Variants in PKN2 observed in about 807,000 individuals in gnomAD.
The protein encoded by PKN2 is protein kinase N2.
PKN2 carries 38 observed loss-of-function variants against 119.1 expected under a neutral mutation model. The ratio of observed to expected loss-of-function variants is 0.32; its 90% CI spans 0.25 to 0.42. The LOEUF (loss-of-function observed/expected upper bound fraction) is 0.42, where lower values mean the gene tolerates loss of function less well. Among genes scored for constraint, PKN2 ranks in the 10% least tolerant of loss-of-function variants. The pLI is 1.00. For synonymous variants in PKN2, 390 were observed against 384.9 expected, an observed-to-expected ratio of 1.01 and a Z score of -0.15; for missense variants, 850 against 1,165.1, an observed-to-expected ratio of 0.73 and a Z score of 3.94.
intron 2 of PKN2, among the ~76,000 whole-genome samples, chr1:88,741,836 A>G (rs1371310459): frequency 1.3e-5 from 2 of 149,128 alleles, no homozygotes; most frequent in African/African-American, 5.2e-5. Context: ...TATAGAAAAT[A>G]AGAGGAAAAT....
chr1:88,823,148 A>G (rs1672362901), intron 17 of PKN2, among the ~76,000 whole-genome samples: 1 of 152,324 alleles, frequency 6.6e-6, no homozygotes, highest in South Asian at 2.1e-4. Flanking sequence ...TGAGCCTGGG[A>G]GGTCAAGGCT....
At chr1:88,783,672 C>T (rs1039352546) in intron 6 of PKN2, among the ~76,000 whole-genome samples, 1 of 152,094 alleles carries the variant, frequency 6.6e-6, no homozygotes, top group Non-Finnish European at 1.5e-5. Flanking sequence ...AATGTTAATA[C>T]GGAAGCATTA....
At chr1:88,818,174 A>G (rs1279894905) in intron 16 of PKN2, among the ~76,000 whole-genome samples, 1 of 152,240 alleles carries the variant, frequency 6.6e-6, no homozygotes, top group African/African-American at 2.4e-5. Context: ...GGACCTCTTC[A>G]AGGAGAACTA....
At chr1:88,687,072 A>G (rs938470622) in intron 1 of PKN2, among the ~76,000 whole-genome samples, 1 of 152,168 alleles carries the variant, frequency 6.6e-6, no homozygotes, top group African/African-American at 2.4e-5. Context: ...ATTTAGAAAT[A>G]TATCCAGCTT....
intron 16 of PKN2, among the ~76,000 whole-genome samples, chr1:88,821,510 A>G (rs1314371834): frequency 6.6e-6 from 1 of 152,188 alleles, no homozygotes; most frequent in Non-Finnish European, 1.5e-5. Flanking sequence ...CTTCGTCCCC[A>G]GATACACCCA....
intron 16 of PKN2, among the ~76,000 whole-genome samples, chr1:88,817,388 G>A (rs1310516382): frequency 3.5e-5 from 5 of 143,956 alleles, no homozygotes; most frequent in Non-Finnish European, 6.0e-5. Flanking sequence ...CCAGCCTGGC[G>A]ACAGAGCAAG....
At chr1:88,810,410 C>G (rs1423859157) in intron 15 of PKN2, among the ~76,000 whole-genome samples, 6 of 152,030 alleles carry the variant, frequency 3.9e-5, no homozygotes, top group Non-Finnish European at 5.9e-5. Context: ...GCATGAGCCA[C>G]CACACCCGGC....
At chr1:88,783,108 C>T (rs1296114424) in intron 6 of PKN2, among the ~76,000 whole-genome samples, 1 of 152,196 alleles carries the variant, frequency 6.6e-6, no homozygotes, top group Non-Finnish European at 1.5e-5. Context: ...AACACTATTC[C>T]TACCTATATG....
intron 16 of PKN2, among the ~76,000 whole-genome samples, chr1:88,820,138 A>G (rs1237316127): frequency 6.9e-6 from 1 of 145,426 alleles, no homozygotes; most frequent in African/African-American, 2.5e-5. Context: ...ACTTAAAAGT[A>G]TAATTTAAAA....
At chr1:88,774,188 C>T (rs893288711) in intron 6 of PKN2, among the ~76,000 whole-genome samples, 10 of 152,138 alleles carry the variant, frequency 6.6e-5, no homozygotes, top group African/African-American at 2.4e-4. Flanking sequence ...GATATATCAC[C>T]CTCCTAACAC....
intron 8 of PKN2, among the ~76,000 whole-genome samples, chr1:88,795,959 A>G (rs1194928289): frequency 6.6e-6 from 1 of 152,252 alleles, no homozygotes; most frequent in Admixed American, 6.5e-5. Flanking sequence ...GAGACCCAGC[A>G]AAGTTAAATA....
rs539814480 is a variant in PKN2 at position 88,768,322 on chromosome 1, G to A, written c.505-2030G>A. Among the ~76,000 whole-genome samples the A allele has an allele frequency of 3.3e-5, 5 of 152,256 alleles. No individual in the cohort carries two copies. The East Asian group carries it at 9.6e-4, about 29-fold the overall frequency. On this transcript the variant is annotated intron_variant, in intron 3 of 21. Coordinates refer to ENST00000370521, the MANE Select transcript of PKN2 (RefSeq NM_006256.4). ...AATCTTAGCTTAAATCAAGGTGTTG[G>A]CAGGACTGCATTCCCTTCTGGAGGA...
At chr1:88,684,993 C>T in intron 1 of PKN2, 1 of 232,850 alleles carries the variant, frequency 4.3e-6, no homozygotes. Context: ...TGCCCCCTCC[C>T]TTCGCGCGGC....
At chr1:88,694,997 G>A (rs1225295619) in intron 1 of PKN2, among the ~76,000 whole-genome samples, 2 of 152,078 alleles carry the variant, frequency 1.3e-5, no homozygotes, top group African/African-American at 4.8e-5. Flanking sequence ...CGTGGTGGCG[G>A]GCGCCTGTAG....
chr1:88,714,815 C>T (rs1350040246), intron 1 of PKN2, among the ~76,000 whole-genome samples: 6 of 152,108 alleles, frequency 3.9e-5, no homozygotes, highest in Admixed American at 3.3e-4. Flanking sequence ...CTGTGTTGAA[C>T]AGGAGTGGTG....
In PKN2 at chr1:88,738,172, C is replaced by A. The variant is rs200535560; in HGVS notation, c.49-2816C>A. Among the ~76,000 whole-genome samples the A allele has an allele frequency of 1.7e-4, 6 of 35,224 alleles. No homozygotes were observed. In the East Asian group the frequency reaches 3.6e-3, roughly 21 times the overall value. The allele number at this position is 35,224 out of a possible 152,430, so 23.1% of individuals were successfully genotyped here. A position where few individuals can be genotyped will look rare whatever the true frequency, so the allele number is the denominator to read the frequency against. On this transcript the variant is annotated intron_variant, in intron 1 of 21. Coordinates refer to ENST00000370521, the MANE Select transcript of PKN2 (RefSeq NM_006256.4). ...ACATAATGGACAAGTCATTAAAAAA[C>A]AAACAAACAAAAAAAAACCAAACTA...
At chr1:88,689,962 C>T (rs973943099) in intron 1 of PKN2, among the ~76,000 whole-genome samples, 6 of 152,168 alleles carry the variant, frequency 3.9e-5, no homozygotes, top group Admixed American at 1.3e-4. Context: ...TAATTTGCAG[C>T]GCATACTTTG....
At chr1:88,724,096 CTATT>C (rs1343585118) in intron 1 of PKN2, among the ~76,000 whole-genome samples, 6 of 152,108 alleles carry the variant, frequency 3.9e-5, no homozygotes, top group South Asian at 2.1e-4. Context: ...AGTTAGATAA[CTATT>C]TAGTTAAGGA....
chr1:88,693,220 T>A (rs541902590), intron 1 of PKN2, among the ~76,000 whole-genome samples: 22 of 152,334 alleles, frequency 1.4e-4, no homozygotes, highest in African/African-American at 4.6e-4. Context: ...CGTAAGATTA[T>A]GTGAGTCAGT....
Sources: allele counts gnomAD v4.1 joint callset (sites outside exome capture counted in the v4.1 genomes callset), GRCh38; gene constraint gnomAD v4.1.1; transcripts MANE v1.5; gene names NCBI Gene and HGNC (gene_info 2026-07-23, HGNC 2026-07-21).